Variants in PTPN12 observed in about 807,000 individuals in gnomAD.
PTPN12 encodes protein tyrosine phosphatase non-receptor type 12.
PTPN12 carries 29 observed loss-of-function variants against 97.6 expected under a neutral mutation model. That is an observed-to-expected ratio of 0.30 (90% CI 0.22 to 0.41). The LOEUF (loss-of-function observed/expected upper bound fraction) is 0.41, where lower values mean the gene tolerates loss of function less well. PTPN12 is among the 10% of genes least tolerant of loss of function. The pLI, the probability that PTPN12 is intolerant of heterozygous loss-of-function variation, is 1.00. For synonymous variants in PTPN12, 327 were observed against 300.4 expected (o/e 1.09, Z -0.91); for missense variants, 819 against 926.0 (o/e 0.88, Z 1.50).
intron 1 of PTPN12, among the ~76,000 whole-genome samples, chr7:77,549,250 C>A (rs147872718): frequency 1.5e-4 from 23 of 152,140 alleles, no homozygotes; most frequent in African/African-American, 5.3e-4. Context: ...AGTAGAGAAT[C>A]CTTGAAGCAA....
rs777641154 is a variant in PTPN12, at chr7:77,610,861, C to G, written c.840+19C>G. On this transcript the variant is annotated intron_variant, in intron 10 of 17. Coordinates refer to ENST00000248594, the MANE Select transcript of PTPN12 (RefSeq NM_002835.4). Reference sequence around the variant, plus strand: ...AACAAAGGTATAGTTGTTTGTTTCCCTTTATAAACTGCTATTTTATAAATG... The same window carrying G: ...AACAAAGGTATAGTTGTTTGTTTCCGTTTATAAACTGCTATTTTATAAATG... The G allele has an allele frequency of 3.1e-6, 5 of 1,589,622 alleles. No individual in the cohort carries two copies. The Admixed American group carries it at 5.6e-5, about 18-fold the overall frequency.
Position 77,639,985 on chromosome 7 carries a change from C to G in PTPN12, c.*705C>G, listed in dbSNP as rs1312891574. The G allele has an allele frequency of 1.3e-5, 2 of 152,142 alleles. No individual in the cohort carries two copies. Among genetic ancestry groups the G allele is most frequent in the Non-Finnish European group, 2.9e-5 (2 of 67,990 alleles). 9.4% of individuals were successfully genotyped at this position (152,142 alleles called of 1,614,324 possible). A position where few individuals can be genotyped will look rare whatever the true frequency, so the allele number is the denominator to read the frequency against. On this transcript the variant is annotated 3_prime_UTR_variant, in exon 18 of 18. Transcript: ENST00000248594. ...TGTGTGTTTCTTTAATATTTGAACTCAAGTGGGATTAGAAGACTATCAAAA... is the reference window on the plus strand; with the variant it reads ...TGTGTGTTTCTTTAATATTTGAACTGAAGTGGGATTAGAAGACTATCAAAA...
At chr7:77,540,427 G>A (rs1394858083) in intron 1 of PTPN12, among the ~76,000 whole-genome samples, 1 of 151,664 alleles carries the variant, frequency 6.6e-6, no homozygotes, top group Non-Finnish European at 1.5e-5. Context: ...TAGTAGAGAT[G>A]GGATTTCACC....
chr7:77,609,828 C>A (rs1448094313), intron 9 of PTPN12, among the ~76,000 whole-genome samples: 3 of 150,532 alleles, frequency 2.0e-5, no homozygotes, highest in Non-Finnish European at 4.4e-5. Flanking sequence ...TTGCAGTGAG[C>A]GGATATCACG....
chr7:77,635,041 C>T (rs1789540580), intron 14 of PTPN12, among the ~76,000 whole-genome samples: 1 of 152,064 alleles, frequency 6.6e-6, no homozygotes, highest in African/African-American at 2.4e-5. Flanking sequence ...GATAGGGTCT[C>T]ACCATGTTGG....
At chr7:77,605,039 T>C (rs1788315714) in intron 8 of PTPN12, 1 of 170,382 alleles carries the variant, frequency 5.9e-6, no homozygotes, top group Admixed American at 6.2e-5. Context: ...TATCAAATTT[T>C]AGATATATAT....
chr7:77,538,526 TC>T (rs1263938605), intron 1 of PTPN12, among the ~76,000 whole-genome samples: 3 of 151,816 alleles, frequency 2.0e-5, no homozygotes, highest in Non-Finnish European at 4.4e-5. Context: ...GAGATAACCT[TC>T]CCAGCGCCCC....
chr7:77,597,822 A>C lies in PTPN12; in HGVS notation c.493-20A>C, dbSNP rs780775697. ...TGTTTTAACGTTTTCACTGACTTAG[A>C]AATGTTTCTCTTTATTTAGGAGGAT... is the stretch of plus-strand genomic sequence containing the variant. On this transcript the variant is annotated intron_variant, in intron 6 of 17. Transcript: ENST00000248594. 3 of 1,602,360 alleles carry C rather than the reference A, an allele frequency of 1.9e-6. No homozygotes were observed. The South Asian group carries it at 3.4e-5, about 18-fold the overall frequency.
intron 7 of PTPN12, among the ~76,000 whole-genome samples, chr7:77,599,316 A>AC (rs1426130744): frequency 2.3e-5 from 2 of 87,462 alleles, no homozygotes; most frequent in Non-Finnish European, 4.5e-5. Flanking sequence ...CAGCGCCCCG[A>AC]CTTTTTTTTT....
rs1297028342 is a variant in PTPN12, at chr7:77,639,415, A to G, written c.*135A>G. On this transcript the variant is annotated 3_prime_UTR_variant, in exon 18 of 18. Coordinates refer to ENST00000248594, the MANE Select transcript of PTPN12 (RefSeq NM_002835.4). ...TGTTACCTTAATATTTTTTGCTGGG[A>G]CCATCTACCTGCCTTATACTACACT... 2 of 660,860 alleles carry G rather than the reference A, an allele frequency of 3.0e-6. No individual in the cohort carries two copies. The highest frequency in any genetic ancestry group is 5.6e-5 in the East Asian group (2 of 35,966). The allele number at this position is 660,860 out of a possible 1,614,324, so 40.9% of individuals were successfully genotyped here.
Position 77,627,440 on chromosome 7 carries a change from T to C in PTPN12, c.1761T>C (p.Thr587=). The change falls in exon 13 of 18, where the codon ACT becomes ACC. Residue 587 remains threonine, a synonymous_variant. Transcript: ENST00000248594. ...ETPDLVDHDN[T]SPLFRTPLSF... ...CTGATCTTGTGGATCATGATAACAC[T>C]TCACCACTCTTCAGAACACCCCTCA... The C allele has an allele frequency of 6.2e-7, 1 of 1,614,090 alleles. No individual in the cohort carries two copies. Among genetic ancestry groups the C allele is most frequent in the Non-Finnish European group, 8.5e-7 (1 of 1,179,954 alleles).
chr7:77,547,619 A>G (rs1195504966), intron 1 of PTPN12, among the ~76,000 whole-genome samples: 1 of 152,234 alleles, frequency 6.6e-6, no homozygotes, highest in East Asian at 1.9e-4. Context: ...CTAACATAGT[A>G]TATAGAAGGT....
chr7:77,587,762 C>T (rs1358630287), intron 5 of PTPN12, among the ~76,000 whole-genome samples: 1 of 152,196 alleles, frequency 6.6e-6, no homozygotes, highest in Non-Finnish European at 1.5e-5. Flanking sequence ...GAAAATATGT[C>T]ATTTAGTATA....
chr7:77,560,972 G>T (rs1383307096), intron 1 of PTPN12, among the ~76,000 whole-genome samples: 1 of 152,188 alleles, frequency 6.6e-6, no homozygotes, highest in African/African-American at 2.4e-5. Context: ...AGGAACCACC[G>T]TACTGTTTCC....
chr7:77,625,472 G>GCTCGCGCGCTCTCTCTCTCTCTCTCT lies in PTPN12; in HGVS notation c.1026-1230_1026-1229insGCGCGCTCTCTCTCTCTCTCTCTCTC. 1.8e-3 allele frequency among the ~76,000 whole-genome samples: 62 copies of GCTCGCGCGCTCTCTCTCTCTCTCTCT among 33,520 alleles called. 9 individuals carry two copies. Among genetic ancestry groups the GCTCGCGCGCTCTCTCTCTCTCTCTCT allele is most frequent in the African/African-American group, 3.6e-3 (27 of 7,528 alleles). 22.0% of individuals were successfully genotyped at this position (33,520 alleles called of 152,430 possible). On this transcript the variant is annotated intron_variant, in intron 12 of 17. Coordinates refer to ENST00000248594, the MANE Select transcript of PTPN12 (RefSeq NM_002835.4). ...TTTTGCCATATTGCCCAGGCTGCTC[G>GCTCGCGCGCTCTCTCTCTCTCTCTCT]CTCTCTCTCTCTCTCTCTCTCTCTC...
At chr7:77,629,316 T>G (rs1229726004) in intron 13 of PTPN12, among the ~76,000 whole-genome samples, 1 of 152,224 alleles carries the variant, frequency 6.6e-6, no homozygotes, top group Non-Finnish European at 1.5e-5. Flanking sequence ...TTTGTTTTAT[T>G]TGAAGGATCT....
Position 77,582,513 on chromosome 7 carries a change from G to A in PTPN12, c.285+1010G>A, listed in dbSNP as rs1269956049. Among the ~76,000 whole-genome samples the A allele has an allele frequency of 2.0e-5, 3 of 152,016 alleles. No individual in the cohort carries two copies. In the East Asian group the frequency reaches 5.8e-4, roughly 29 times the overall value. ...AAAAGTTTATGCCAGGCCGGGCACGGTGGCTCATGTCCGTAATCCCAGCAC... is the reference window on the plus strand; with the variant it reads ...AAAAGTTTATGCCAGGCCGGGCACGATGGCTCATGTCCGTAATCCCAGCAC... On this transcript the variant is annotated intron_variant, in intron 3 of 17. Transcript: ENST00000248594.
chr7:77,582,063 T>TTGA lies in PTPN12; in HGVS notation c.285+564_285+566dup, dbSNP rs534703507. The stretch of plus-strand genomic sequence containing the variant: ...TTTATAACCTTTGTTTGGATACCCT[T>TTGA]TGATGAAAAGCAGTCAAGTTCTTTT... On this transcript the variant is annotated intron_variant, in intron 3 of 17. Coordinates refer to ENST00000248594, the MANE Select transcript of PTPN12 (RefSeq NM_002835.4). 1.8e-4 allele frequency among the ~76,000 whole-genome samples: 27 copies of TTGA among 147,792 alleles called. 2 individuals carry two copies. The South Asian group carries it at 5.5e-3, about 30-fold the overall frequency.
At chr7:77,545,089 A>G (rs1050673173) in intron 1 of PTPN12, among the ~76,000 whole-genome samples, 4 of 152,218 alleles carry the variant, frequency 2.6e-5, no homozygotes, top group African/African-American at 9.6e-5. Context: ...CCCACACCCA[A>G]TGGATCATAC....
Sources: allele counts gnomAD v4.1 joint callset (sites outside exome capture counted in the v4.1 genomes callset), GRCh38; gene constraint gnomAD v4.1.1; transcripts MANE v1.5; gene names NCBI Gene and HGNC (gene_info 2026-07-23, HGNC 2026-07-21).